The following MBD5 variants were observed in gnomAD, a reference collection of about 807,000 sequenced individuals.
The protein encoded by MBD5 is methyl-CpG binding domain protein 5.
MBD5 carries 13 observed loss-of-function variants against 117.3 expected under a neutral mutation model. That is an observed-to-expected ratio of 0.11 (90% CI 0.07 to 0.18). The LOEUF (loss-of-function observed/expected upper bound fraction) is 0.18. MBD5 is among the 10% of genes least tolerant of loss of function. The pLI, the probability that MBD5 is intolerant of heterozygous loss-of-function variation, is 1.00. For synonymous variants in MBD5, 727 were observed against 766.4 expected (o/e 0.95, Z 0.85); for missense variants, 1,879 against 2,093.8 (o/e 0.90, Z 2.00).
chr2:148,208,012 A>G (rs1699328038), intron 2 of MBD5, among the ~76,000 whole-genome samples: 1 of 152,310 alleles, frequency 6.6e-6, no homozygotes, highest in African/African-American at 2.4e-5. Context: ...TGAAATCAGT[A>G]TCACTGGACC....
At chr2:148,461,889 G>A (rs1033364402) in intron 5 of MBD5, among the ~76,000 whole-genome samples, 1 of 152,126 alleles carries the variant, frequency 6.6e-6, no homozygotes, top group Non-Finnish European at 1.5e-5. Flanking sequence ...GAAGACCTGC[G>A]AGGCACATTT....
intron 1 of MBD5, chr2:148,055,778 T>C (rs1025044672): frequency 6.6e-6 from 1 of 152,182 alleles, no homozygotes; most frequent in Non-Finnish European, 1.5e-5. Context: ...AGTGTCTCCT[T>C]GGTCTTATAA....
intron 2 of MBD5, among the ~76,000 whole-genome samples, chr2:148,188,753 G>A (rs574384789): frequency 6.6e-6 from 1 of 151,812 alleles, no homozygotes; most frequent in East Asian, 1.9e-4. Context: ...ACAGGGAGGA[G>A]CCAAGATGGC....
At chr2:148,433,208 C>T (rs1486357541) in intron 4 of MBD5, among the ~76,000 whole-genome samples, 4 of 151,920 alleles carry the variant, frequency 2.6e-5, no homozygotes, top group South Asian at 2.1e-4. Context: ...TTTTGTTCTT[C>T]GATTTTGTAT....
chr2:148,046,915 T>A (rs1694551301), intron 1 of MBD5, among the ~76,000 whole-genome samples: 2 of 152,214 alleles, frequency 1.3e-5, no homozygotes, highest in Non-Finnish European at 2.9e-5. Context: ...TTCATCTTTA[T>A]ATCTTATGTC....
chr2:148,160,224 C>T (rs905328396), intron 1 of MBD5, among the ~76,000 whole-genome samples: 3 of 152,092 alleles, frequency 2.0e-5, no homozygotes, highest in Admixed American at 6.6e-5. Context: ...ATGATGAAAC[C>T]CCGTCTCTAC....
intron 2 of MBD5, among the ~76,000 whole-genome samples, chr2:148,217,227 T>C (rs1032406712): frequency 6.6e-6 from 1 of 152,168 alleles, no homozygotes; most frequent in Non-Finnish European, 1.5e-5. Flanking sequence ...GTATGCCAGA[T>C]GAGGATCTAT....
intron 3 of MBD5, among the ~76,000 whole-genome samples, chr2:148,287,280 G>C (rs577863742): frequency 6.6e-6 from 1 of 152,168 alleles, no homozygotes; most frequent in South Asian, 2.1e-4. Flanking sequence ...GCATAAATTT[G>C]CATATTTTAT....
chr2:148,050,073 A>G (rs1426553754), intron 1 of MBD5, among the ~76,000 whole-genome samples: 1 of 152,140 alleles, frequency 6.6e-6, no homozygotes, highest in East Asian at 1.9e-4. Context: ...CTAGGAATGT[A>G]ATTGCTGGGT....
chr2:148,317,502 T>C (rs1326154967), intron 3 of MBD5, among the ~76,000 whole-genome samples: 1 of 152,198 alleles, frequency 6.6e-6, no homozygotes, highest in Non-Finnish European at 1.5e-5. Context: ...AGTGCAGACT[T>C]TTACATGCAT....
chr2:148,243,265 C>G (rs575002354), intron 3 of MBD5, among the ~76,000 whole-genome samples: 64 of 152,028 alleles, frequency 4.2e-4, no homozygotes, highest in African/African-American at 1.5e-3. Context: ...ATATAGAATT[C>G]TTACAGAATC....
At chr2:148,413,261 A>G (rs1283986050) in intron 4 of MBD5, among the ~76,000 whole-genome samples, 1 of 152,214 alleles carries the variant, frequency 6.6e-6, no homozygotes, top group Non-Finnish European at 1.5e-5. Flanking sequence ...ATGATAAATC[A>G]CATTTATAAA....
chr2:148,408,344 G>A (rs1021302134), intron 4 of MBD5, among the ~76,000 whole-genome samples: 6 of 152,158 alleles, frequency 3.9e-5, no homozygotes, highest in Non-Finnish European at 5.9e-5. Context: ...CCTCCAAGTC[G>A]TTCCAGATTC....
At chr2:148,382,913 C>T (rs1351508530) in intron 4 of MBD5, among the ~76,000 whole-genome samples, 2 of 150,980 alleles carry the variant, frequency 1.3e-5, no homozygotes, top group Admixed American at 6.6e-5. Context: ...CCAATGAGAA[C>T]AAAGACACAA....
At chr2:148,448,177 GA>G (rs1403205406) in intron 4 of MBD5, among the ~76,000 whole-genome samples, 1 of 152,026 alleles carries the variant, frequency 6.6e-6, no homozygotes, top group East Asian at 1.9e-4. Context: ...CCTGATATGT[GA>G]GCTACATAAA....
At chr2:148,323,082 G>C (rs562381214) in intron 3 of MBD5, among the ~76,000 whole-genome samples, 1 of 151,284 alleles carries the variant, frequency 6.6e-6, no homozygotes, top group South Asian at 2.1e-4. Flanking sequence ...ACCTAGGAAT[G>C]AGAATATGCG....
intron 1 of MBD5, among the ~76,000 whole-genome samples, chr2:148,102,714 A>ACG (rs1696255126): frequency 1.2e-5 from 1 of 84,004 alleles, no homozygotes; most frequent in Non-Finnish European, 2.4e-5. Context: ...ACACACACAC[A>ACG]CACACACACA....
chr2:148,446,096 G>A (rs1255003957), intron 4 of MBD5, among the ~76,000 whole-genome samples: 1 of 150,936 alleles, frequency 6.6e-6, no homozygotes, highest in Non-Finnish European at 1.5e-5. Flanking sequence ...TGTTCACTCT[G>A]ATGGTAGTTT....
chr2:148,295,331 C>G (rs1263492293), intron 3 of MBD5, among the ~76,000 whole-genome samples: 1 of 152,140 alleles, frequency 6.6e-6, no homozygotes, highest in East Asian at 1.9e-4. Context: ...GATTGAGCCC[C>G]TCTAGTGAAT....
Sources: allele counts gnomAD v4.1 joint callset (sites outside exome capture counted in the v4.1 genomes callset), GRCh38; gene constraint gnomAD v4.1.1; transcripts MANE v1.5; gene names NCBI Gene and HGNC (gene_info 2026-07-23, HGNC 2026-07-21).